The following USP10 variants were observed in gnomAD, a reference collection of about 807,000 sequenced individuals.
The protein encoded by USP10 is ubiquitin carboxyl-terminal hydrolase 10.
In USP10, 22 loss-of-function variants were observed where a neutral mutation model predicts 84.5. That is an observed-to-expected ratio of 0.26 (90% CI 0.19 to 0.37). USP10 has a LOEUF of 0.37. Ranked by LOEUF, USP10 falls within the 10% of genes least tolerant of loss-of-function variation. USP10 has a pLI of 1.00. For missense variants in USP10, 1,019 were observed against 998.9 expected (o/e 1.02, Z -0.27); for synonymous variants, 454 against 387.6 (o/e 1.17, Z -2.01).
At chr16:84,754,879 A>T (rs1912342017) in intron 4 of USP10, among the ~76,000 whole-genome samples, 1 of 151,978 alleles carries the variant, frequency 6.6e-6, no homozygotes, top group South Asian at 2.1e-4. Context: ...AGTGGCTCAC[A>T]CCTGTAATCC....
chr16:84,759,504 G>A (rs1912950379), intron 6 of USP10, 32 bp downstream of exon 6: 13 of 1,590,356 alleles, frequency 8.2e-6, no homozygotes, highest in Non-Finnish European at 1.1e-5. Flanking sequence ...GTGTTAAGTG[G>A]TGGGGTTTTT....
At chr16:84,716,039 G>A (rs1443201629) in intron 1 of USP10, among the ~76,000 whole-genome samples, 2 of 152,134 alleles carry the variant, frequency 1.3e-5, no homozygotes, top group Non-Finnish European at 2.9e-5. Context: ...TGGCGAGGAG[G>A]GTGGTATGCC....
intron 4 of USP10, among the ~76,000 whole-genome samples, chr16:84,752,552 A>T (rs898288260): frequency 3.3e-5 from 5 of 152,244 alleles, no homozygotes; most frequent in African/African-American, 1.2e-4. Flanking sequence ...GAAAATGTTG[A>T]TGTTGAAAGA....
intron 4 of USP10, among the ~76,000 whole-genome samples, chr16:84,754,388 G>A (rs529597938): frequency 3.9e-5 from 6 of 152,250 alleles, no homozygotes; most frequent in South Asian, 2.1e-4. Context: ...TTTATTCTGC[G>A]TTTAACGACG....
At chr16:84,727,337 C>G (rs934020750) in intron 1 of USP10, among the ~76,000 whole-genome samples, 37 of 152,242 alleles carry the variant, frequency 2.4e-4, no homozygotes, top group African/African-American at 8.2e-4. Context: ...ATTTTCCCCC[C>G]TCATGTGACA....
chr16:84,778,105 G>T (rs1333330361), intron 13 of USP10, among the ~76,000 whole-genome samples: 3 of 151,874 alleles, frequency 2.0e-5, no homozygotes, highest in Non-Finnish European at 2.9e-5. Context: ...GTGTGTGTGT[G>T]TGTGTGTGTG....
At chr16:84,724,157 A>T (rs1343931144) in intron 1 of USP10, among the ~76,000 whole-genome samples, 2 of 152,248 alleles carry the variant, frequency 1.3e-5, no homozygotes, top group Admixed American at 1.3e-4. Context: ...CTTGCTATTT[A>T]GTACTAGTTA....
intron 1 of USP10, among the ~76,000 whole-genome samples, chr16:84,729,325 C>A (rs1054790320): frequency 6.6e-6 from 1 of 152,168 alleles, no homozygotes; most frequent in Non-Finnish European, 1.5e-5. Flanking sequence ...CATTGCAATT[C>A]TAAGAAATTC....
intron 4 of USP10, among the ~76,000 whole-genome samples, chr16:84,754,645 A>G (rs1010411878): frequency 6.6e-6 from 1 of 152,246 alleles, no homozygotes; most frequent in Admixed American, 6.5e-5. Flanking sequence ...CAAAATAAGC[A>G]AACTGGAAGC....
intron 11 of USP10, among the ~76,000 whole-genome samples, chr16:84,772,083 G>T (rs188535250): frequency 6.6e-6 from 1 of 151,922 alleles, no homozygotes. Flanking sequence ...ACAAGATCTC[G>T]CTGTGTTGCC....
rs1280071678 is a variant in USP10, at chr16:84,733,589, G to T, written c.90+86G>T. Reference sequence around the variant, plus strand: ...ATTTTAATTTGTTTTTTTAAATAAAGAATTCCAATGTAGAGAAAAGTATGG... The same window carrying T: ...ATTTTAATTTGTTTTTTTAAATAAATAATTCCAATGTAGAGAAAAGTATGG... On this transcript the variant is annotated intron_variant, in intron 2 of 13. Transcript: ENST00000219473. The T allele has an allele frequency of 2.3e-5, 23 of 1,007,190 alleles. No individual in the cohort carries two copies. The East Asian group carries it at 4.3e-4, about 19-fold the overall frequency. 62.4% of individuals were successfully genotyped at this position (1,007,190 alleles called of 1,614,324 possible). A position where few individuals can be genotyped will look rare whatever the true frequency, so the allele number is the denominator to read the frequency against.
intron 1 of USP10, among the ~76,000 whole-genome samples, chr16:84,727,452 CT>C (rs1567605213): frequency 4.1e-5 from 6 of 145,120 alleles, no homozygotes; most frequent in Non-Finnish European, 3.1e-5. Context: ...TCAGTGTTAG[CT>C]TTAAAAAAAC....
At chr16:84,755,342 C>T (rs1477392) in intron 4 of USP10, among the ~76,000 whole-genome samples, 94,333 of 151,080 alleles carry the variant, frequency 0.62, 30,084 homozygotes, top group Non-Finnish European at 0.7. Context: ...CCAGAAACTT[C>T]GCTGCATCTT....
At chr16:84,718,416 G>T (rs1907338015) in intron 1 of USP10, among the ~76,000 whole-genome samples, 1 of 152,162 alleles carries the variant, frequency 6.6e-6, no homozygotes, top group African/African-American at 2.4e-5. Context: ...ACTGTGTTTG[G>T]CAGGAGTTTA....
At chr16:84,763,974 G>A (rs1913521913) in intron 9 of USP10, 112 bp from the exon 10 acceptor site, 2 of 1,364,558 alleles carry the variant, frequency 1.5e-6, no homozygotes, top group Admixed American at 2.8e-5. Context: ...GGCTCCTAAT[G>A]TAGACCACAC....
At chr16:84,770,873 C>T (rs1225581400) in intron 11 of USP10, among the ~76,000 whole-genome samples, 1 of 151,838 alleles carries the variant, frequency 6.6e-6, no homozygotes, top group Non-Finnish European at 1.5e-5. Flanking sequence ...CGAGACCATC[C>T]TGGCCAACAT....
intron 1 of USP10, among the ~76,000 whole-genome samples, chr16:84,708,343 C>G (rs1016414020): frequency 2.0e-5 from 3 of 151,904 alleles, no homozygotes; most frequent in Non-Finnish European, 4.4e-5. Flanking sequence ...CCAGCTGCTC[C>G]GAAGGCTGAG....
At position 84,710,045 on chromosome 16, in the gene USP10, G is replaced by A. The variant is rs991166802; in HGVS notation, c.21+9934G>A. Among the ~76,000 whole-genome samples the A allele has an allele frequency of 3.3e-5, 5 of 152,276 alleles. No individual in the cohort carries two copies. The East Asian group carries it at 5.8e-4, about 18-fold the overall frequency. Reference sequence around the variant, plus strand: ...AGCACTTTGGGAGACCGAAGTAGACGGATCACTTGAGGTAAGGAGTTTGAG... The same window carrying A: ...AGCACTTTGGGAGACCGAAGTAGACAGATCACTTGAGGTAAGGAGTTTGAG... On this transcript the variant is annotated intron_variant, in intron 1 of 13. Transcript: ENST00000219473.
intron 1 of USP10, among the ~76,000 whole-genome samples, chr16:84,731,002 A>T (rs1347106014): frequency 8.4e-6 from 1 of 118,690 alleles, no homozygotes; most frequent in African/African-American, 3.3e-5. Flanking sequence ...TTTTTTTGAC[A>T]CGGAATCTCT....
Sources: gnomAD v4.1 joint callset for allele counts (sites outside exome capture counted in the v4.1 genomes callset) on GRCh38, gnomAD v4.1.1 for gene constraint, MANE v1.5 for transcripts, NCBI Gene and HGNC (gene_info 2026-07-23, HGNC 2026-07-21) for gene names.